Variants in CC2D2A observed in about 807,000 individuals in gnomAD.
CC2D2A encodes coiled-coil and C2 domain-containing protein 2A.
CC2D2A carries 155 observed loss-of-function variants against 212.9 expected under a neutral mutation model. That is an observed-to-expected ratio of 0.73 (90% confidence interval 0.64 to 0.83). The LOEUF (loss-of-function observed/expected upper bound fraction) is 0.83. Ranked by LOEUF, CC2D2A falls within the 40% of genes least tolerant of loss-of-function variation. The probability of loss-of-function intolerance (pLI) is 0.00; values close to 1 mark genes in which losing one functional copy is unlikely to be tolerated. For missense variants in CC2D2A, 1,856 were observed against 1,956.2 expected, an observed-to-expected ratio of 0.95 and a Z score of 0.97; for synonymous variants, 667 against 686.5, an observed-to-expected ratio of 0.97 and a Z score of 0.44.
intron 33 of CC2D2A, among the ~76,000 whole-genome samples, chr4:15,595,201 G>A (rs1248879585): frequency 6.6e-6 from 1 of 152,134 alleles, no homozygotes; most frequent in Non-Finnish European, 1.5e-5. Flanking sequence ...AATTAGAACT[G>A]AGCCTCAACA....
intron 6 of CC2D2A, among the ~76,000 whole-genome samples, chr4:15,509,237 C>G (rs2109005255): frequency 6.6e-6 from 1 of 151,434 alleles, no homozygotes; most frequent in African/African-American, 2.4e-5. Flanking sequence ...AAATGATCCT[C>G]TGTGAAGTGG....
At chr4:15,511,497 G>A in intron 8 of CC2D2A, 74 bp downstream of exon 8, 1 of 1,356,158 alleles carries the variant, frequency 7.4e-7, no homozygotes, top group Non-Finnish European at 9.6e-7. Flanking sequence ...CTGCAAGAAA[G>A]AAAGTGGCTG....
chr4:15,529,866 A>T (rs990331967), intron 13 of CC2D2A, among the ~76,000 whole-genome samples: 2 of 139,052 alleles, frequency 1.4e-5, no homozygotes, highest in African/African-American at 5.3e-5. Context: ...AGGTCTTTTT[A>T]TTTTTTTATT....
chr4:15,481,843 A>G (rs1489677521), intron 4 of CC2D2A: 2 of 985,366 alleles, frequency 2.0e-6, no homozygotes, highest in African/African-American at 3.5e-5. Context: ...TAGGGAAGAC[A>G]TATGTGTTAA....
chr4:15,497,847 T>A (rs1208973600), intron 4 of CC2D2A, among the ~76,000 whole-genome samples: 1 of 141,474 alleles, frequency 7.1e-6, no homozygotes, highest in Non-Finnish European at 1.6e-5. Flanking sequence ...AAAAGCAGGA[T>A]CTTTGTGGTA....
chr4:15,476,106 A>ACTCTG, intron 2 of CC2D2A, 135 bp downstream of exon 2: 6 of 736,288 alleles, frequency 8.1e-6, no homozygotes, highest in East Asian at 2.8e-5. Flanking sequence ...CATGAATTAG[A>ACTCTG]TTCAACAGAG....
intron 8 of CC2D2A, 88 bp from the exon 9 acceptor site, chr4:15,514,619 T>C (rs1716753618): frequency 2.0e-6 from 2 of 1,001,202 alleles, no homozygotes. Context: ...TAGGAAATGT[T>C]AAGTTTCATG....
intron 13 of CC2D2A, among the ~76,000 whole-genome samples, chr4:15,529,299 T>C (rs937619538): frequency 2.0e-5 from 3 of 152,022 alleles, no homozygotes; most frequent in African/African-American, 7.3e-5. Flanking sequence ...GGAGGATCGC[T>C]TGAGCCCAAG....
intron 11 of CC2D2A, chr4:15,519,286 AG>A: frequency 2.6e-6 from 1 of 389,632 alleles, no homozygotes; most frequent in Non-Finnish European, 5.0e-6. Context: ...CATTTGCTCC[AG>A]TTCCCAACAA....
At chr4:15,581,344 C>T (rs2109084459) in intron 30 of CC2D2A, among the ~76,000 whole-genome samples, 1 of 152,198 alleles carries the variant, frequency 6.6e-6, no homozygotes, top group East Asian at 1.9e-4. Context: ...AATAAAATAT[C>T]TAATAAGTCA....
intron 26 of CC2D2A, among the ~76,000 whole-genome samples, chr4:15,568,113 T>TC (rs1315704333): frequency 1.3e-5 from 2 of 152,246 alleles, no homozygotes; most frequent in African/African-American, 4.8e-5. Context: ...CTTCCTCATG[T>TC]CCCCTCAAGT....
intron 4 of CC2D2A, among the ~76,000 whole-genome samples, chr4:15,482,957 C>G (rs144315864): frequency 4.9e-4 from 74 of 152,280 alleles, no homozygotes; most frequent in African/African-American, 1.7e-3. Flanking sequence ...TGAGACCTGC[C>G]TACTGGAGCC....
At chr4:15,517,206 C>A (rs1716931828) in intron 11 of CC2D2A, among the ~76,000 whole-genome samples, 1 of 151,960 alleles carries the variant, frequency 6.6e-6, no homozygotes, top group Non-Finnish European at 1.5e-5. Context: ...CTCAGCCTCC[C>A]AAAGTGCTGG....
chr4:15,512,549 A>AG (rs1716627382), intron 8 of CC2D2A, among the ~76,000 whole-genome samples: 1 of 152,210 alleles, frequency 6.6e-6, no homozygotes, highest in Admixed American at 6.5e-5. Flanking sequence ...CAGAGGTTAG[A>AG]GGAAGGAGGG....
chr4:15,483,344 T>A (rs1714804478), intron 4 of CC2D2A, among the ~76,000 whole-genome samples: 1 of 151,928 alleles, frequency 6.6e-6, no homozygotes, highest in South Asian at 2.1e-4. Context: ...AACTGTAGGG[T>A]GAGGAGGATT....
At chr4:15,534,913 G>A (rs1470581634) in intron 14 of CC2D2A, among the ~76,000 whole-genome samples, 1 of 149,428 alleles carries the variant, frequency 6.7e-6, no homozygotes, top group Non-Finnish European at 1.5e-5. Flanking sequence ...ACAAATTTAG[G>A]CAGTTATCTG....
At chr4:15,543,044 C>A (rs994358036) in intron 17 of CC2D2A, among the ~76,000 whole-genome samples, 1 of 152,142 alleles carries the variant, frequency 6.6e-6, no homozygotes, top group African/African-American at 2.4e-5. Flanking sequence ...CAAGGTCAAC[C>A]GCCTTGGCTT....
intron 6 of CC2D2A, among the ~76,000 whole-genome samples, chr4:15,507,136 T>C (rs1490147491): frequency 2.0e-5 from 3 of 151,990 alleles, no homozygotes; most frequent in Non-Finnish European, 4.4e-5. Context: ...GCTTCTTTCC[T>C]CATCCTCAAA....
At chr4:15,507,199 A>C (rs1203327531) in intron 6 of CC2D2A, among the ~76,000 whole-genome samples, 1 of 152,182 alleles carries the variant, frequency 6.6e-6, no homozygotes, top group Non-Finnish European at 1.5e-5. Flanking sequence ...TGCATTGTGG[A>C]ATGTATTGAT....
Sources: gnomAD v4.1 joint callset for allele counts (sites outside exome capture counted in the v4.1 genomes callset) on GRCh38, gnomAD v4.1.1 for gene constraint, MANE v1.5 for transcripts, NCBI Gene and HGNC (gene_info 2026-07-23, HGNC 2026-07-21) for gene names.